Variants in CROCC2 observed in about 807,000 individuals in gnomAD.
The protein encoded by CROCC2 is ciliary rootlet coiled-coil protein 2.
A neutral mutation model predicts 177.6 loss-of-function variants in CROCC2; 163 were observed. The ratio of observed to expected loss-of-function variants is 0.92; its 90% confidence interval spans 0.81 to 1.05. CROCC2 has a LOEUF of 1.05. CROCC2 is among the 50% of genes least tolerant of loss of function. The pLI is 0.00. For missense variants in CROCC2, 1,929 were observed against 1,797.8 expected (o/e 1.07, Z -1.32); for synonymous variants, 904 against 787.3 (o/e 1.15, Z -2.48).
chr2:240,953,201 G>A lies in CROCC2; in HGVS notation c.2830-2658G>A, dbSNP rs184743750. On this transcript the variant is annotated intron_variant, in intron 18 of 31. Coordinates refer to ENST00000690015, the MANE Select transcript of CROCC2 (RefSeq NM_001351305.2). The surrounding 1 kb of genome is among the most constrained non-coding windows in gnomAD (Gnocchi z 4.0). Reference sequence around the variant, plus strand: ...AAAGCCAGCAGATCATCTGAGGTCAGGAGTTCAAGACCAGTGTGGCCAACA... The same window carrying A: ...AAAGCCAGCAGATCATCTGAGGTCAAGAGTTCAAGACCAGTGTGGCCAACA... Among the ~76,000 whole-genome samples the A allele has an allele frequency of 4.7e-4, 72 of 152,220 alleles. No individual in the cohort carries two copies. The highest frequency in any genetic ancestry group is 7.8e-4 in the Admixed American group (12 of 15,294).
chr2:240,948,984 A>G lies in CROCC2; in HGVS notation c.2369A>G (p.Glu790Gly). 7 of 1,550,362 alleles carry G rather than the reference A, an allele frequency of 4.5e-6. No individual in the cohort carries two copies. The highest frequency in any genetic ancestry group is 6.1e-6 in the Non-Finnish European group (7 of 1,146,916). Residue 790 changes from glutamate (E) to glycine (G), a missense_variant, in exon 16 of 32, where the codon GAG (glutamate) becomes GGG (glycine). By Grantham distance (98) the Glu-to-Gly change is moderately conservative (BLOSUM62 -2). Around this residue, in one of 3 missense-constraint regions of CROCC2, gnomAD observed 1,397 missense variants for 1,239.9 expected, o/e 1.13. Coordinates refer to ENST00000690015, the MANE Select transcript of CROCC2 (RefSeq NM_001351305.2). Reference protein sequence around the residue: ...AAEEAADLRVERDSLESSLLE... With the variant: ...AAEEAADLRVGRDSLESSLLE... ...TGTTTGCTGCATCTTTGCAGGGTGG[A>G]GAGGGACTCCCTGGAGAGCAGCCTC...
At chr2:240,952,029 G>GTGA (rs1322403210) in intron 18 of CROCC2, among the ~76,000 whole-genome samples, 2 of 152,194 alleles carry the variant, frequency 1.3e-5, no homozygotes, top group Non-Finnish European at 2.9e-5. Context: ...GTCCCATGGG[G>GTGA]TGATAAGGAC....
chr2:240,920,254 A>AG (rs532634779), intron 3 of CROCC2, 120 bp downstream of exon 3: 152 of 583,918 alleles, frequency 2.6e-4, no homozygotes, highest in African/African-American at 2.5e-3. Flanking sequence ...AGACTCGGAA[A>AG]GACAGAGTGT....
chr2:240,967,222 C>G (rs892999800), intron 25 of CROCC2, 123 bp from the exon 26 acceptor site: 3 of 421,760 alleles, frequency 7.1e-6, no homozygotes, highest in Non-Finnish European at 1.3e-5. Flanking sequence ...ACCCACTGCC[C>G]TGCCCTGCAC....
rs183396970 is a variant in CROCC2 at position 240,982,660 on chromosome 2, G to A, written c.4402-220G>A. The A allele has an allele frequency of 2.3e-4, 114 of 485,604 alleles. 1 individual carries two copies. The highest frequency in any genetic ancestry group is 2.0e-3 in the African/African-American group (102 of 50,714). The allele number at this position is 485,604 out of a possible 1,614,324, so 30.1% of individuals were successfully genotyped here. A position where few individuals can be genotyped will look rare whatever the true frequency, so the allele number is the denominator to read the frequency against. On this transcript the variant is annotated intron_variant, in intron 27 of 31. Transcript: ENST00000690015. The surrounding 1 kb of genome is among the most constrained non-coding windows in gnomAD (Gnocchi z 4.7). ...GCTAGACCAGACCCCCAGGACTTTC[G>A]TCTCAGGCTTCCTGGGGGTCCACAC...
intron 14 of CROCC2, among the ~76,000 whole-genome samples, chr2:240,940,470 T>C (rs556649515): frequency 1.3e-5 from 2 of 152,314 alleles, no homozygotes; most frequent in East Asian, 3.9e-4. Context: ...AACTTGTCTA[T>C]GTCTGCTTAT....
Position 240,934,425 on chromosome 2 carries a change from C to T in CROCC2, c.1741C>T (p.Arg581Trp), listed in dbSNP as rs2059454357. Residue 581 changes from arginine (R) to tryptophan (W), a missense_variant, in exon 12 of 32, where the codon CGG (arginine) becomes TGG (tryptophan). By Grantham distance (101) the Arg-to-Trp change is moderately radical. This residue lies in a region of CROCC2 where 1,397 missense variants were observed against 1,239.9 expected (regional missense o/e 1.13). Transcript: ENST00000690015. The part of the protein sequence containing the change: ...REALSTAQLQ[R>W]DVVESEREGL... ...GGCACTGAGCACAGCACAGCTGCAG[C>T]GGGATGTCGTGGAGAGTGAGAGGGA... The T allele has an allele frequency of 8.4e-6, 13 of 1,548,618 alleles. No homozygotes were observed. Among genetic ancestry groups the T allele is most frequent in the Middle Eastern group, 2.2e-4 (1 of 4,474 alleles).
intron 7 of CROCC2, among the ~76,000 whole-genome samples, 195 bp downstream of exon 7, chr2:240,931,323 G>A (rs1017394912): frequency 2.6e-5 from 4 of 152,230 alleles, no homozygotes; most frequent in Non-Finnish European, 5.9e-5. Flanking sequence ...ATGCCCAGGA[G>A]GCAGACACTG....
At chr2:240,906,698 TC>T (rs959561956) in intron 1 of CROCC2, 107 bp downstream of exon 1, 16 of 398,276 alleles carry the variant, frequency 4.0e-5, no homozygotes, top group African/African-American at 2.9e-4. Flanking sequence ...CCTTCCTGGC[TC>T]CCGGGGCACT....
rs1012091055 is a variant in CROCC2 at position 240,960,980 on chromosome 2, A to G, written c.3087+1536A>G. 6.6e-6 allele frequency among the ~76,000 whole-genome samples: 1 copy of G among 151,726 alleles called. No homozygotes were observed. The highest frequency in any genetic ancestry group is 2.4e-5 in the African/African-American group (1 of 41,256). ...GCATTGGTTCTGCTGGCCTCAAGGAAGGGAGTGCAGGCCTCATGGGAAGGT... is the reference window on the plus strand; with the variant it reads ...GCATTGGTTCTGCTGGCCTCAAGGAGGGGAGTGCAGGCCTCATGGGAAGGT... On this transcript the variant is annotated intron_variant, in intron 20 of 31. Transcript: ENST00000690015. The surrounding 1 kb of genome is among the most constrained non-coding windows in gnomAD (Gnocchi z 5.0).
intron 29 of CROCC2, among the ~76,000 whole-genome samples, chr2:240,989,210 A>G (rs75515856): frequency 0.081 from 12,364 of 152,160 alleles, 584 homozygotes; most frequent in Middle Eastern, 0.16. Context: ...TGCTTGTGTT[A>G]GGGCGAGGAA....
rs2059625525 is a variant in CROCC2 at position 240,960,648 on chromosome 2, G to T, written c.3087+1204G>T. On this transcript the variant is annotated intron_variant, in intron 20 of 31. Transcript: ENST00000690015. This position sits in a 1 kb window ranked among gnomAD's most constrained non-coding sequence, Gnocchi z 5.0. ...GGGCTGCTTGCCAAGGCTGGAGGCT[G>T]CGCAGCTGACCTGGTGCTGGAGCGA... Among the ~76,000 whole-genome samples the T allele has an allele frequency of 6.6e-6, 1 of 152,172 alleles. No individual in the cohort carries two copies. Among genetic ancestry groups the T allele is most frequent in the Admixed American group, 6.5e-5 (1 of 15,288 alleles).
Position 240,958,191 on chromosome 2 carries a change from C to A in CROCC2, c.2944-1110C>A, listed in dbSNP as rs1181394983. On this transcript the variant is annotated intron_variant, in intron 19 of 31. Transcript: ENST00000690015. The surrounding 1 kb of genome is among the most constrained non-coding windows in gnomAD (Gnocchi z 6.7). The stretch of plus-strand genomic sequence containing the variant: ...GCGCCAGATGACAGGACAGCGTGCG[C>A]CCCTAGGCTGAGTCACCACTGCCAT... The A allele has an allele frequency of 1.0e-6, 1 of 985,196 alleles. No individual in the cohort carries two copies. Among genetic ancestry groups the A allele is most frequent in the Non-Finnish European group, 1.2e-6 (1 of 829,864 alleles). The allele number at this position is 985,196 out of a possible 1,614,324, so 61.0% of individuals were successfully genotyped here. A position where few individuals can be genotyped will look rare whatever the true frequency, so the allele number is the denominator to read the frequency against.
chr2:240,914,978 C>T (rs1011418513), intron 1 of CROCC2, among the ~76,000 whole-genome samples: 1 of 152,242 alleles, frequency 6.6e-6, no homozygotes, highest in Non-Finnish European at 1.5e-5. Flanking sequence ...AGAGCGTGGC[C>T]TCCAGATAAA....
intron 28 of CROCC2, among the ~76,000 whole-genome samples, chr2:240,984,264 G>A (rs1488193375): frequency 6.6e-6 from 1 of 152,136 alleles, no homozygotes; most frequent in Non-Finnish European, 1.5e-5. Context: ...ACTGAGCTCG[G>A]ACCCTGGACG....
chr2:240,975,592 C>T (rs55951434), intron 27 of CROCC2, among the ~76,000 whole-genome samples: 23,858 of 152,112 alleles, frequency 0.16, 2,302 homozygotes, highest in East Asian at 0.38. Context: ...GGACGCTTAA[C>T]GAGGCCTTTG....
In CROCC2 at chr2:240,918,178, G is replaced by A. The variant is rs138797784; in HGVS notation, c.79-548G>A. Reference sequence around the variant, plus strand: ...GCCTGTGGAGGGGCAGTGGGCAGCTGAGCAGAGAAGGATGGGTTCAGCCTC... The same window carrying A: ...GCCTGTGGAGGGGCAGTGGGCAGCTAAGCAGAGAAGGATGGGTTCAGCCTC... On this transcript the variant is annotated intron_variant, in intron 1 of 31. Transcript: ENST00000690015. This position sits in a 1 kb window ranked among gnomAD's most constrained non-coding sequence, Gnocchi z 6.3. 4.4e-3 allele frequency among the ~76,000 whole-genome samples: 677 copies of A among 152,282 alleles called. 5 individuals are homozygous for A. The highest frequency in any genetic ancestry group is 0.015 in the African/African-American group (628 of 41,538).
At chr2:240,981,834 G>C (rs2059802641) in intron 27 of CROCC2, 1 of 152,020 alleles carries the variant, frequency 6.6e-6, no homozygotes, top group African/African-American at 2.4e-5. Flanking sequence ...AGGTGCAAGG[G>C]CTCGGGGCTC....
In CROCC2 at chr2:240,931,095, G is replaced by T. The variant is rs998421985; in HGVS notation, c.914G>T (p.Arg305Leu). The T allele has an allele frequency of 1.4e-6, 1 of 715,006 alleles. No homozygotes were observed. Among genetic ancestry groups the T allele is most frequent in the Non-Finnish European group, 2.6e-6 (1 of 383,894 alleles). The allele number at this position is 715,006 out of a possible 1,614,324, so 44.3% of individuals were successfully genotyped here. A position where few individuals can be genotyped will look rare whatever the true frequency, so the allele number is the denominator to read the frequency against. The part of the protein sequence containing the change: ...KAGEMLQLQG[R>L]WDAEKVALQA... ...GGGGAGATGCTGCAGCTGCAGGGCCGCTGGGACGCAGAGAAGGTGGCGCTC... is the reference window on the plus strand; with the variant it reads ...GGGGAGATGCTGCAGCTGCAGGGCCTCTGGGACGCAGAGAAGGTGGCGCTC... The change falls in exon 7 of 32, where the codon CGC becomes CTC. Residue 305 changes from arginine (R) to leucine (L), a missense_variant. Arg to Leu is a moderately radical substitution (Grantham distance 102, BLOSUM62 -2). Coordinates refer to ENST00000690015, the MANE Select transcript of CROCC2 (RefSeq NM_001351305.2).
Sources: gnomAD v4.1 joint callset for allele counts (sites outside exome capture counted in the v4.1 genomes callset) on GRCh38, gnomAD v4.1.1 for gene constraint, gnomAD v4.1.1 regional missense constraint, Gnocchi (gnomAD v3.1) non-coding constraint, MANE v1.5 for transcripts, NCBI Gene and HGNC (gene_info 2026-07-23, HGNC 2026-07-21) for gene names.